The following NRG1 variants were observed in gnomAD, a reference collection of about 807,000 sequenced individuals.
NRG1 encodes pro-neuregulin-1, membrane-bound isoform.
A neutral mutation model predicts 63.8 loss-of-function variants in NRG1; 18 were observed. The ratio of observed to expected loss-of-function variants is 0.28; its 90% confidence interval spans 0.19 to 0.42. The LOEUF (loss-of-function observed/expected upper bound fraction) is 0.42, where lower values mean the gene tolerates loss of function less well. NRG1 is among the 10% of genes least tolerant of loss of function. The pLI, the probability that NRG1 is intolerant of heterozygous loss-of-function variation, is 1.00. For missense variants in NRG1, 762 were observed against 814.7 expected (o/e 0.94, Z 0.79); for synonymous variants, 302 against 301.3 (o/e 1.00, Z -0.02).
At chr8:31,869,224 G>A (rs1829268666) in intron 1 of NRG1, among the ~76,000 whole-genome samples, 1 of 152,136 alleles carries the variant, frequency 6.6e-6, no homozygotes, top group African/African-American at 2.4e-5. Context: ...ATCAGACACA[G>A]GTGCTCTTCT....
intron 1 of NRG1, among the ~76,000 whole-genome samples, chr8:32,064,824 C>T (rs1199910852): frequency 1.3e-5 from 2 of 152,014 alleles, no homozygotes; most frequent in Non-Finnish European, 2.9e-5. Context: ...TAGTATAAAA[C>T]TTTATGTACC....
chr8:31,903,563 C>T (rs891948201), intron 1 of NRG1, among the ~76,000 whole-genome samples: 1 of 152,092 alleles, frequency 6.6e-6, no homozygotes, highest in South Asian at 2.1e-4. Flanking sequence ...AGCATAGCAC[C>T]TCTAAGTTAT....
intron 5 of NRG1, among the ~76,000 whole-genome samples, chr8:32,625,131 G>A (rs948507204): frequency 6.6e-6 from 1 of 152,090 alleles, no homozygotes; most frequent in African/African-American, 2.4e-5. Context: ...ACTTTTCTCT[G>A]TCCCACTCTG....
intron 1 of NRG1, among the ~76,000 whole-genome samples, chr8:31,838,532 G>A (rs988696522): frequency 2.0e-5 from 3 of 152,092 alleles, no homozygotes; most frequent in Non-Finnish European, 4.4e-5. Context: ...TTGATTTAGA[G>A]ACTTTCGAAA....
At chr8:32,318,121 G>A (rs965327821) in intron 1 of NRG1, among the ~76,000 whole-genome samples, 1 of 152,182 alleles carries the variant, frequency 6.6e-6, no homozygotes, top group African/African-American at 2.4e-5. Context: ...GTATTTGGCA[G>A]AAGGCAAGGG....
chr8:31,714,132 A>C (rs929513125), intron 1 of NRG1, among the ~76,000 whole-genome samples: 2 of 152,070 alleles, frequency 1.3e-5, no homozygotes, highest in African/African-American at 4.8e-5. Flanking sequence ...CCTTTGGGAG[A>C]CTATGTATGC....
At chr8:32,453,330 C>A (rs954290790) in intron 1 of NRG1, among the ~76,000 whole-genome samples, 1 of 152,140 alleles carries the variant, frequency 6.6e-6, no homozygotes, top group African/African-American at 2.4e-5. Flanking sequence ...GTATCAGAGC[C>A]TCGTACACAG....
At chr8:32,276,984 G>T (rs1296669001) in intron 1 of NRG1, among the ~76,000 whole-genome samples, 1 of 152,194 alleles carries the variant, frequency 6.6e-6, no homozygotes, top group Admixed American at 6.5e-5. Flanking sequence ...TGGCCTTGCA[G>T]AAGCCTGCAA....
intron 1 of NRG1, among the ~76,000 whole-genome samples, chr8:32,116,540 A>G (rs1832734371): frequency 6.6e-6 from 1 of 152,134 alleles, no homozygotes; most frequent in African/African-American, 2.4e-5. Context: ...AAAGAACTCT[A>G]TTAGGCAAGA....
intron 1 of NRG1, among the ~76,000 whole-genome samples, chr8:32,342,828 T>C (rs1804242110): frequency 2.0e-5 from 3 of 152,320 alleles, no homozygotes; most frequent in Admixed American, 2.0e-4. Flanking sequence ...CATTTCCTAA[T>C]AATTCAGAAT....
chr8:31,883,895 T>TTAGC (rs1830533920), intron 1 of NRG1, among the ~76,000 whole-genome samples: 1 of 152,132 alleles, frequency 6.6e-6, no homozygotes, highest in South Asian at 2.1e-4. Context: ...CTGTAACATC[T>TTAGC]TAGCATCTTT....
At chr8:32,491,313 G>A (rs531455101) in intron 1 of NRG1, among the ~76,000 whole-genome samples, 1 of 152,208 alleles carries the variant, frequency 6.6e-6, no homozygotes, top group South Asian at 2.1e-4. Flanking sequence ...ATTATAGCAC[G>A]AAGAGGATAT....
intron 1 of NRG1, among the ~76,000 whole-genome samples, chr8:31,852,426 C>T (rs1226218080): frequency 2.0e-5 from 3 of 152,160 alleles, no homozygotes; most frequent in African/African-American, 7.2e-5. Context: ...AGTGTCTGTT[C>T]ACGTCCTACG....
intron 1 of NRG1, among the ~76,000 whole-genome samples, chr8:32,080,760 T>TGTGC (rs1222777611): frequency 0.013 from 279 of 20,918 alleles, 3 homozygotes; most frequent in Admixed American, 0.025. Context: ...AATTTGTGTG[T>TGTGC]GTGCGTGTGT....
At chr8:32,675,130 A>C (rs1454145439) in intron 5 of NRG1, among the ~76,000 whole-genome samples, 1 of 152,182 alleles carries the variant, frequency 6.6e-6, no homozygotes, top group Admixed American at 6.5e-5. Context: ...TATTCATATT[A>C]CTGGCCATAA....
chr8:32,003,395 C>T (rs766306512), intron 1 of NRG1, among the ~76,000 whole-genome samples: 15 of 152,052 alleles, frequency 9.9e-5, no homozygotes, highest in Non-Finnish European at 1.8e-4. Flanking sequence ...TCTGCTCAAC[C>T]TCACCTGGAA....
intron 1 of NRG1, among the ~76,000 whole-genome samples, chr8:32,080,833 G>A (rs905204081): frequency 1.1e-4 from 16 of 151,456 alleles, no homozygotes; most frequent in Non-Finnish European, 2.2e-4. Context: ...GAAAGAGAGT[G>A]CTTTAGTTTA....
chr8:32,010,070 A>G (rs569699798), intron 1 of NRG1, among the ~76,000 whole-genome samples: 56 of 152,184 alleles, frequency 3.7e-4, no homozygotes, highest in Non-Finnish European at 6.0e-4. Context: ...GATTCTCTCA[A>G]TGACAGGTAT....
intron 11 of NRG1, among the ~76,000 whole-genome samples, chr8:32,762,564 G>A (rs1161045417): frequency 6.6e-6 from 1 of 152,166 alleles, no homozygotes; most frequent in Non-Finnish European, 1.5e-5. Flanking sequence ...CCAGTTTAGA[G>A]GCAGCTAGCT....
Sources: gnomAD v4.1 joint callset for allele counts (sites outside exome capture counted in the v4.1 genomes callset) on GRCh38, gnomAD v4.1.1 for gene constraint, MANE v1.5 for transcripts, NCBI Gene and HGNC (gene_info 2026-07-23, HGNC 2026-07-21) for gene names.